CTNNA3: variants seen among roughly 807,000 people sequenced by gnomAD.
CTNNA3 encodes catenin alpha-3.
Under a neutral mutation model 95.7 loss-of-function variants are expected in CTNNA3, and 76 were observed. That is an observed-to-expected ratio of 0.79 (90% confidence interval 0.66 to 0.96). CTNNA3 has a LOEUF of 0.96. Ranked by LOEUF, CTNNA3 falls within the 40% of genes least tolerant of loss-of-function variation. CTNNA3 has a pLI of 0.00. For missense variants in CTNNA3, 1,191 were observed against 1,089.8 expected (o/e 1.09, Z -1.31); for synonymous variants, 431 against 374.4 (o/e 1.15, Z -1.74).
intron 7 of CTNNA3, among the ~76,000 whole-genome samples, chr10:66,905,109 T>C (rs7903531): frequency 0.32 from 48,668 of 151,978 alleles, 9,151 homozygotes; most frequent in East Asian, 0.47. Context: ...TAGCAAAGAC[T>C]TGGAACCAAC....
intron 11 of CTNNA3, among the ~76,000 whole-genome samples, chr10:66,379,926 C>T (rs1244642626): frequency 2.0e-5 from 3 of 152,074 alleles, no homozygotes; most frequent in African/African-American, 7.2e-5. Context: ...TTAATACTCC[C>T]AGCTAAAACT....
In CTNNA3 at chr10:67,408,260, C is replaced by T. The variant is rs1393081695; in HGVS notation, c.579+113582G>A. 5.9e-5 allele frequency among the ~76,000 whole-genome samples: 9 copies of T among 151,900 alleles called. No homozygotes were observed. In the East Asian group the frequency reaches 1.3e-3, roughly 23 times the overall value. On this transcript the variant is annotated intron_variant, in intron 5 of 17. Coordinates refer to ENST00000433211, the MANE Select transcript of CTNNA3 (RefSeq NM_013266.4). ...AAATATTTTAAAATCAATACGGAAC[C>T]AAAATAGAACTCGTATAGCCAATCC...
rs370362037 is a variant in CTNNA3, at chr10:67,279,554, A to G, written c.580-59684T>C. Among the ~76,000 whole-genome samples the G allele has an allele frequency of 2.5e-4, 35 of 138,700 alleles. 1 individual carries two copies. Among genetic ancestry groups the G allele is most frequent in the African/African-American group, 9.2e-4 (33 of 35,970 alleles). The allele number at this position is 138,700 out of a possible 152,430, so 91.0% of individuals were successfully genotyped here. On this transcript the variant is annotated intron_variant, in intron 5 of 17. Coordinates refer to ENST00000433211, the MANE Select transcript of CTNNA3 (RefSeq NM_013266.4). ...CAGATAGGGTAATAGTCAATTAGGT[A>G]TTTGTCTTGTGCTTGGTAAATTGGC...
chr10:66,067,641 G>A lies in CTNNA3; in HGVS notation c.2159+1667C>T, dbSNP rs912633689. Among the ~76,000 whole-genome samples, 8 of 152,268 alleles carry A rather than the reference G, an allele frequency of 5.3e-5. No homozygotes were observed. In the South Asian group the frequency reaches 8.3e-4, roughly 16 times the overall value. On this transcript the variant is annotated intron_variant, in intron 15 of 17. Transcript: ENST00000433211. ...TCCTTTATTCAAAAAAGTTTGGCCAGGTGCGGTGACTCATGCCTGTAATCC... is the reference window on the plus strand; with the variant it reads ...TCCTTTATTCAAAAAAGTTTGGCCAAGTGCGGTGACTCATGCCTGTAATCC...
At chr10:66,202,330 C>T (rs2087480524) in intron 13 of CTNNA3, among the ~76,000 whole-genome samples, 1 of 152,172 alleles carries the variant, frequency 6.6e-6, no homozygotes, top group African/African-American at 2.4e-5. Context: ...TGTCAATCAC[C>T]AAGTTTTGGC....
chr10:66,657,460 A>G (rs1846107525), intron 9 of CTNNA3, among the ~76,000 whole-genome samples: 1 of 152,164 alleles, frequency 6.6e-6, no homozygotes, highest in African/African-American at 2.4e-5. Flanking sequence ...ATCCATAGGC[A>G]TCACATGCTG....
intron 7 of CTNNA3, among the ~76,000 whole-genome samples, chr10:67,063,189 G>A (rs1855862107): frequency 6.6e-6 from 1 of 152,084 alleles, no homozygotes; most frequent in Non-Finnish European, 1.5e-5. Context: ...ACCAAGTATG[G>A]ATGCTCAAGA....
intron 9 of CTNNA3, among the ~76,000 whole-genome samples, chr10:66,700,927 C>A (rs1847922957): frequency 6.6e-6 from 1 of 152,118 alleles, no homozygotes; most frequent in African/African-American, 2.4e-5. Flanking sequence ...TAGCATTTTA[C>A]ATTTCGTCCC....
intron 1 of CTNNA3, among the ~76,000 whole-genome samples, chr10:67,691,812 C>G (rs1183278441): frequency 7.1e-6 from 1 of 141,032 alleles, no homozygotes; most frequent in South Asian, 2.3e-4. Context: ...AGGTGAGGGG[C>G]GCCTCTGCCC....
At chr10:66,586,972 G>C (rs1843380845) in intron 10 of CTNNA3, among the ~76,000 whole-genome samples, 1 of 152,094 alleles carries the variant, frequency 6.6e-6, no homozygotes, top group South Asian at 2.1e-4. Flanking sequence ...CTGTCCAGTG[G>C]GGCTGCCACA....
rs541790436 is a variant in CTNNA3, at chr10:67,007,481, T to C, written c.1047+172836A>G. ...ATTTCTAAAATAAGAGATAAAATATTTGACAAGCAGGACTTTCACACTGTA... is the reference window on the plus strand; with the variant it reads ...ATTTCTAAAATAAGAGATAAAATATCTGACAAGCAGGACTTTCACACTGTA... On this transcript the variant is annotated intron_variant, in intron 7 of 17. Transcript: ENST00000433211. Among the ~76,000 whole-genome samples, 7 of 152,170 alleles carry C rather than the reference T, an allele frequency of 4.6e-5. No individual in the cohort carries two copies. In the East Asian group the frequency reaches 7.7e-4, roughly 17 times the overall value.
intron 5 of CTNNA3, among the ~76,000 whole-genome samples, chr10:67,310,266 C>CT (rs1840734640): frequency 6.6e-6 from 1 of 152,178 alleles, no homozygotes; most frequent in African/African-American, 2.4e-5. Context: ...CTTCCGACAT[C>CT]TAAACCCAAT....
At chr10:67,209,081 A>G in intron 6 of CTNNA3, among the ~76,000 whole-genome samples, 1 of 152,004 alleles carries the variant, frequency 6.6e-6, no homozygotes, top group Admixed American at 6.6e-5. Context: ...ACAGAGTCTC[A>G]CTCTGTCACC....
intron 7 of CTNNA3, among the ~76,000 whole-genome samples, chr10:67,055,699 T>C (rs888777145): frequency 6.6e-6 from 1 of 152,142 alleles, no homozygotes; most frequent in African/African-American, 2.4e-5. Flanking sequence ...CCTGGTATTT[T>C]TGTGGGAGTA....
chr10:66,418,200 T>TA (rs2093162334), intron 11 of CTNNA3, among the ~76,000 whole-genome samples: 1 of 147,644 alleles, frequency 6.8e-6, no homozygotes, highest in Non-Finnish European at 1.5e-5. Context: ...TTACAACTGA[T>TA]ACAACAGAAA....
At chr10:67,274,391 A>G (rs1839101506) in intron 5 of CTNNA3, among the ~76,000 whole-genome samples, 2 of 152,212 alleles carry the variant, frequency 1.3e-5, no homozygotes, top group African/African-American at 4.8e-5. Context: ...AATATTTACT[A>G]GGAAATAATT....
chr10:67,727,988 T>G (rs1014601470), intron 1 of CTNNA3, among the ~76,000 whole-genome samples: 2 of 138,952 alleles, frequency 1.4e-5, no homozygotes, highest in South Asian at 4.3e-4. Context: ...AATACATATA[T>G]GTATACATGT....
At chr10:67,654,489 C>CT (rs35035624) in intron 1 of CTNNA3, among the ~76,000 whole-genome samples, 42,642 of 144,092 alleles carry the variant, frequency 0.3, 6,796 homozygotes, top group East Asian at 0.51. Flanking sequence ...TGTTATTCCA[C>CT]TTTTTTTTTT....
chr10:66,043,785 A>G (rs1040426452), intron 15 of CTNNA3, among the ~76,000 whole-genome samples: 2 of 152,148 alleles, frequency 1.3e-5, no homozygotes, highest in African/African-American at 4.8e-5. Flanking sequence ...AGCAGAGGTC[A>G]GCCAATACTC....
Sources: allele counts gnomAD v4.1 joint callset (sites outside exome capture counted in the v4.1 genomes callset), GRCh38; gene constraint gnomAD v4.1.1; transcripts MANE v1.5; gene names NCBI Gene and HGNC (gene_info 2026-07-23, HGNC 2026-07-21).